MED13: variants seen among roughly 807,000 people sequenced by gnomAD.
MED13 encodes mediator complex subunit 13, also known as mediator of RNA polymerase II transcription subunit 13.
MED13 carries 23 observed loss-of-function variants against 225.2 expected under a neutral mutation model. The ratio of observed to expected loss-of-function variants is 0.10; its 90% CI spans 0.07 to 0.14. MED13 has a LOEUF of 0.14. Ranked by LOEUF, MED13 falls within the 10% of genes least tolerant of loss-of-function variation. MED13 has a pLI of 1.00. For synonymous variants in MED13, 942 were observed against 889.2 expected (o/e 1.06, Z -1.06); for missense variants, 2,197 against 2,594.5 (o/e 0.85, Z 3.33).
intron 3 of MED13, among the ~76,000 whole-genome samples, chr17:62,048,574 T>A (rs2080924494): frequency 6.6e-6 from 1 of 151,972 alleles, no homozygotes; most frequent in African/African-American, 2.4e-5. Context: ...ACAGCTGAGA[T>A]GATGTATTTA....
chr17:62,059,081 C>A (rs2081018060), intron 2 of MED13, among the ~76,000 whole-genome samples: 1 of 152,084 alleles, frequency 6.6e-6, no homozygotes, highest in Non-Finnish European at 1.5e-5. Context: ...CTGTCACAGT[C>A]TAACAAAGCC....
chr17:61,985,467 G>C (rs1476287451), intron 12 of MED13, among the ~76,000 whole-genome samples: 1 of 152,080 alleles, frequency 6.6e-6, no homozygotes, highest in African/African-American at 2.4e-5. Context: ...TTGAGGCCAG[G>C]AGTTTGAGAC....
At chr17:62,015,792 C>T (rs1015929947) in intron 8 of MED13, among the ~76,000 whole-genome samples, 14 of 135,516 alleles carry the variant, frequency 1.0e-4, no homozygotes, top group African/African-American at 3.8e-4. Flanking sequence ...TATATACACA[C>T]ACACTATATA....
rs935820669 is a variant in MED13, at chr17:61,967,980, C to T, written c.4191+55G>A. 5.0e-6 allele frequency: 7 copies of T among 1,389,724 alleles called. No homozygotes were observed. The African/African-American group carries it at 7.1e-5, about 14-fold the overall frequency. 86.1% of individuals were successfully genotyped at this position (1,389,724 alleles called of 1,614,324 possible). A position where few individuals can be genotyped will look rare whatever the true frequency, so the allele number is the denominator to read the frequency against. On this transcript the variant is annotated intron_variant, in intron 18 of 29. Transcript: ENST00000397786. ...TGAACTGCCCAGTATGCTGTATATACAACAATACAAATCGTAAGGTAGTTT... is the reference window on the plus strand; with the variant it reads ...TGAACTGCCCAGTATGCTGTATATATAACAATACAAATCGTAAGGTAGTTT...
At chr17:62,024,917 T>G (rs998586110) in intron 8 of MED13, among the ~76,000 whole-genome samples, 1 of 152,232 alleles carries the variant, frequency 6.6e-6, no homozygotes, top group African/African-American at 2.4e-5. Flanking sequence ...CACATTTTCT[T>G]TATCCAGGCT....
Position 61,962,796 on chromosome 17 carries a change from C to T in MED13, c.5020G>A (p.Val1674Ile). The change falls in exon 21 of 30, where the codon GTC (valine) becomes ATC (isoleucine). Residue 1674 changes from valine (V) to isoleucine (I), a missense_variant. This residue lies in a region of MED13 where 457 missense variants were observed against 442.2 expected (regional missense o/e 1.03). Transcript: ENST00000397786. ...TTGATATGAGGAGGAAGAGTCTGGA[C>T]CATTTCTAGAAAGCATCGAAGTAGC... ...LGLLRCFLEM[V>I]QTLPPHIKST... is the part of the protein sequence containing the mutation. The T allele has an allele frequency of 6.2e-7, 1 of 1,614,132 alleles. No individual in the cohort carries two copies. The highest frequency in any genetic ancestry group is 8.5e-7 in the Non-Finnish European group (1 of 1,180,034).
chr17:61,974,276 C>A (rs1035412763), intron 16 of MED13, among the ~76,000 whole-genome samples: 1 of 151,690 alleles, frequency 6.6e-6, no homozygotes, highest in Non-Finnish European at 1.5e-5. Context: ...TGGTGCCACA[C>A]GCCTGTGGTC....
rs1192700247 is a variant in MED13, at chr17:61,942,717, A to G, written c.*3751T>C. On this transcript the variant is annotated 3_prime_UTR_variant, in exon 30 of 30. Coordinates refer to ENST00000397786, the MANE Select transcript of MED13 (RefSeq NM_005121.3). ...TCCTCAATCACAATTTGTACAACTC[A>G]GTGTTATGGCATTCGGCAGCAATAG... 2 of 151,622 alleles carry G rather than the reference A, an allele frequency of 1.3e-5. No homozygotes were observed. The highest frequency in any genetic ancestry group is 6.6e-5 in the Admixed American group (1 of 15,182). The allele number at this position is 151,622 out of a possible 1,614,324, so 9.4% of individuals were successfully genotyped here.
intron 2 of MED13, among the ~76,000 whole-genome samples, chr17:62,056,502 C>T (rs574517624): frequency 2.0e-5 from 3 of 152,274 alleles, no homozygotes; most frequent in African/African-American, 7.2e-5. Context: ...ATGACTCATG[C>T]CTGTAATCCC....
At chr17:61,949,179 T>A (rs918335844) in intron 28 of MED13, among the ~76,000 whole-genome samples, 1 of 152,182 alleles carries the variant, frequency 6.6e-6, no homozygotes, top group Non-Finnish European at 1.5e-5. Flanking sequence ...AGGGCTTTTA[T>A]ATCTCATTTT....
Position 61,984,241 on chromosome 17 carries a change from G to A in MED13, c.2818C>T (p.Arg940Cys), listed in dbSNP as rs1284922263. Reference sequence around the variant, plus strand: ...AATTTTCCAACAGTCCAACTCTGACGGTAAATACACTCTTCTGGCAATTTG... The same window carrying A: ...AATTTTCCAACAGTCCAACTCTGACAGTAAATACACTCTTCTGGCAATTTG... Reference protein sequence around the residue: ...PIKLPEECIYRQSWTVGKLEL... With the variant: ...PIKLPEECIYCQSWTVGKLEL... Residue 940 changes from arginine to cysteine, a missense_variant, in exon 15 of 30, where the codon CGT (arginine) becomes TGT (cysteine). Arg to Cys is a radical substitution (Grantham distance 180). Transcript: ENST00000397786. The A allele has an allele frequency of 7.5e-6, 12 of 1,610,054 alleles. No individual in the cohort carries two copies. In the African/African-American group the frequency reaches 9.4e-5, roughly 13 times the overall value.
chr17:61,962,861 G>C lies in MED13; in HGVS notation c.4955C>G (p.Thr1652Arg), dbSNP rs768148809. The C allele has an allele frequency of 6.2e-7, 1 of 1,614,086 alleles. No individual in the cohort carries two copies. Among genetic ancestry groups the C allele is most frequent in the Non-Finnish European group, 8.5e-7 (1 of 1,180,008 alleles). The change falls in exon 21 of 30, where the codon ACA (threonine) becomes AGA (arginine). Residue 1652 changes from threonine to arginine, a missense_variant. Coordinates refer to ENST00000397786, the MANE Select transcript of MED13 (RefSeq NM_005121.3). ...ACTAGAAGAGTTAGTGCTCTCGTCT[G>C]TATTTTCGTATGTAAAAGGATCAAT... ...YIIDPFTYENTDESTNSSSVW... is the reference protein window; with the variant it reads ...YIIDPFTYENRDESTNSSSVW...
In MED13 at chr17:62,029,933, C is replaced by A; in HGVS notation, c.1090G>T (p.Gly364Cys). 1 of 1,613,952 alleles carries A rather than the reference C, an allele frequency of 6.2e-7. No homozygotes were observed. Among genetic ancestry groups the A allele is most frequent in the Non-Finnish European group, 8.5e-7 (1 of 1,179,986 alleles). Residue 364 changes from glycine (G) to cysteine (C), a missense_variant, in exon 7 of 30, where the codon GGT (glycine) becomes TGT (cysteine). Gly to Cys is a radical substitution (Grantham distance 159). Transcript: ENST00000397786. ...GFNSDSTSHH[G>C]GKIPRKLANH... is the part of the protein sequence containing the mutation. The stretch of plus-strand genomic sequence containing the variant: ...GCTAATTTTCTGGGTATTTTCCCAC[C>A]ATGGTGGCTAGTACTATCGGAGTTG...
At chr17:62,060,246 T>C (rs926983281) in intron 2 of MED13, among the ~76,000 whole-genome samples, 8 of 151,846 alleles carry the variant, frequency 5.3e-5, no homozygotes, top group African/African-American at 9.7e-5. Context: ...TGAGCTGAGA[T>C]TGCGCCACTG....
intron 9 of MED13, among the ~76,000 whole-genome samples, chr17:61,995,803 A>G (rs1300901941): frequency 2.0e-5 from 3 of 148,934 alleles, no homozygotes; most frequent in African/African-American, 7.4e-5. Context: ...GTGATTATGT[A>G]TTTTTTTTTT....
chr17:62,051,865 A>G (rs2080959843), intron 3 of MED13, among the ~76,000 whole-genome samples: 1 of 152,312 alleles, frequency 6.6e-6, no homozygotes, highest in Non-Finnish European at 1.5e-5. Flanking sequence ...TGGGAACTTA[A>G]ATCTTTTGAG....
Position 61,946,364 on chromosome 17 carries a change from C to T in MED13, c.*104G>A. 5.3e-6 allele frequency: 7 copies of T among 1,310,694 alleles called. No individual in the cohort carries two copies. Among genetic ancestry groups the T allele is most frequent in the Non-Finnish European group, 7.3e-6 (7 of 952,672 alleles). 81.2% of individuals were successfully genotyped at this position (1,310,694 alleles called of 1,614,324 possible). A position where few individuals can be genotyped will look rare whatever the true frequency, so the allele number is the denominator to read the frequency against. On this transcript the variant is annotated 3_prime_UTR_variant, in exon 30 of 30. Transcript: ENST00000397786. ...TTTGTTGAAGTAATAAGAATTAGAC[C>T]CCATCACAAATGACCTTCACTGAGA...
chr17:62,034,063 AT>A, intron 4 of MED13, 79 bp from the exon 5 acceptor site: 1 of 1,230,904 alleles, frequency 8.1e-7, no homozygotes, highest in Non-Finnish European at 1.1e-6. Context: ...AATGTGGCAA[AT>A]AATCGTGCAA....
intron 3 of MED13, among the ~76,000 whole-genome samples, chr17:62,047,034 T>G (rs1396910026): frequency 1.7e-5 from 1 of 58,718 alleles, no homozygotes; most frequent in African/African-American, 1.6e-4. Flanking sequence ...TGTGCCCAGC[T>G]TTTTTTTTTT....
Sources: allele counts gnomAD v4.1 joint callset (sites outside exome capture counted in the v4.1 genomes callset), GRCh38; gene constraint gnomAD v4.1.1; regional missense constraint gnomAD v4.1.1; transcripts MANE v1.5; gene names NCBI Gene and HGNC (gene_info 2026-07-23, HGNC 2026-07-21).